The following NPAS3 variants were observed in gnomAD, a reference collection of about 807,000 sequenced individuals.
The protein encoded by NPAS3 is neuronal PAS domain protein 3, also known as neuronal PAS domain-containing protein 3.
Under a neutral mutation model 73.1 loss-of-function variants are expected in NPAS3, and 14 were observed. The observed-to-expected ratio is 0.19, with a 90% CI of 0.13 to 0.30. The LOEUF is 0.30. Among genes scored for constraint, NPAS3 ranks in the 10% least tolerant of loss-of-function variants. The pLI, the probability that NPAS3 is intolerant of heterozygous loss-of-function variation, is 1.00. For synonymous variants in NPAS3, 620 were observed against 541.5 expected, an observed-to-expected ratio of 1.14 and a Z score of -2.01; for missense variants, 1,096 against 1,250.0, an observed-to-expected ratio of 0.88 and a Z score of 1.86.
chr14:33,249,666 G>A (rs182030265), intron 3 of NPAS3, among the ~76,000 whole-genome samples: 19 of 152,118 alleles, frequency 1.2e-4, no homozygotes, highest in East Asian at 5.8e-4. Context: ...AAGGAGAACC[G>A]CTTACATGTT....
At chr14:33,615,850 A>G (rs867961591) in intron 5 of NPAS3, among the ~76,000 whole-genome samples, 7 of 152,200 alleles carry the variant, frequency 4.6e-5, no homozygotes, top group South Asian at 2.1e-4. Flanking sequence ...TTACTAGATT[A>G]TGGTCTTTAA....
At chr14:33,774,400 A>G in exon 8 of NPAS3, 2 of 1,614,142 alleles carry the variant, frequency 1.2e-6, no homozygotes, top group Non-Finnish European at 1.7e-6. Flanking sequence ...GACCGTCCCC[A>G]GCCAAATCAT....
At chr14:33,726,993 G>A (rs1032977166) in intron 6 of NPAS3, among the ~76,000 whole-genome samples, 10 of 152,204 alleles carry the variant, frequency 6.6e-5, no homozygotes, top group Admixed American at 3.3e-4. Context: ...CTCATCACAC[G>A]GTATTGTAGT....
At chr14:33,215,676 G>A in intron 3 of NPAS3, 1 of 668,080 alleles carries the variant, frequency 1.5e-6, no homozygotes, top group South Asian at 1.7e-5. Flanking sequence ...TCAGAGAAAT[G>A]AAAATGAAAT....
At chr14:32,950,120 T>C (rs2036424058) in intron 1 of NPAS3, among the ~76,000 whole-genome samples, 1 of 152,104 alleles carries the variant, frequency 6.6e-6, no homozygotes. Context: ...TATGTTGAAA[T>C]ATATGCAAAA....
chr14:33,436,014 C>T (rs1020895222), intron 4 of NPAS3, among the ~76,000 whole-genome samples: 10 of 152,214 alleles, frequency 6.6e-5, no homozygotes, highest in Middle Eastern at 3.4e-3. Context: ...ATTCTGCAGC[C>T]GATCCAGCCA....
chr14:33,181,476 T>C (rs1249462303), intron 2 of NPAS3, among the ~76,000 whole-genome samples: 1 of 152,182 alleles, frequency 6.6e-6, no homozygotes, highest in Non-Finnish European at 1.5e-5. Context: ...GTCCCTCCCA[T>C]GTGATAATTT....
intron 3 of NPAS3, among the ~76,000 whole-genome samples, chr14:33,227,106 C>T (rs2047664427): frequency 6.6e-6 from 1 of 152,144 alleles, no homozygotes; most frequent in Non-Finnish European, 1.5e-5. Flanking sequence ...GATGTTGATG[C>T]AGGTAAGCCT....
chr14:33,200,243 C>A (rs2046563449), intron 2 of NPAS3, among the ~76,000 whole-genome samples: 1 of 151,356 alleles, frequency 6.6e-6, no homozygotes, highest in African/African-American at 2.4e-5. Flanking sequence ...TTGCACCAAC[C>A]TAAATATAGA....
rs866200151 is a variant in NPAS3 at position 33,746,282 on chromosome 14, G to A, written c.852+10950G>A. On this transcript the variant is annotated intron_variant, in intron 7 of 11. Transcript: ENST00000356141. ...CAGCTCACTGCAACCTCTGCTTCCC[G>A]GGTTCAAGCGATTCTCCTGCCTCAG... Among the ~76,000 whole-genome samples, 63 of 151,346 alleles carry A rather than the reference G, an allele frequency of 4.2e-4. 1 individual carries two copies. Among genetic ancestry groups the A allele is most frequent in the Middle Eastern group, 6.8e-3 (2 of 292 alleles).
intron 3 of NPAS3, among the ~76,000 whole-genome samples, chr14:33,300,082 T>C (rs2042468084): frequency 6.6e-6 from 1 of 152,228 alleles, no homozygotes; most frequent in Non-Finnish European, 1.5e-5. Flanking sequence ...TTGAGTATCT[T>C]TCTTTGTGAT....
At chr14:33,168,626 T>A (rs2045262972) in intron 2 of NPAS3, among the ~76,000 whole-genome samples, 1 of 152,102 alleles carries the variant, frequency 6.6e-6, no homozygotes, top group Admixed American at 6.6e-5. Flanking sequence ...TGGTGTAGAG[T>A]TCCCTAGTGG....
At chr14:32,998,057 T>C (rs2038655683) in intron 1 of NPAS3, among the ~76,000 whole-genome samples, 1 of 152,214 alleles carries the variant, frequency 6.6e-6, no homozygotes, top group Non-Finnish European at 1.5e-5. Context: ...AAATGGGTAC[T>C]CAAATAAGAA....
intron 2 of NPAS3, among the ~76,000 whole-genome samples, chr14:33,104,818 G>T (rs1395770016): frequency 2.6e-5 from 4 of 152,140 alleles, no homozygotes; most frequent in African/African-American, 9.7e-5. Flanking sequence ...AGACAATTGA[G>T]TATGTTCTGC....
At chr14:33,081,134 G>A (rs989808380) in intron 2 of NPAS3, among the ~76,000 whole-genome samples, 1 of 152,144 alleles carries the variant, frequency 6.6e-6, no homozygotes, top group Admixed American at 6.5e-5. Flanking sequence ...TTTGTCCATA[G>A]AGCTCTATTA....
At chr14:33,311,513 T>A (rs1283328003) in intron 3 of NPAS3, among the ~76,000 whole-genome samples, 1 of 152,160 alleles carries the variant, frequency 6.6e-6, no homozygotes, top group African/African-American at 2.4e-5. Context: ...TTAATACTAC[T>A]GAACTTGTGT....
chr14:33,608,442 G>A (rs1266120296), intron 5 of NPAS3: 1 of 152,176 alleles, frequency 6.6e-6, no homozygotes, highest in Non-Finnish European at 1.5e-5. Context: ...ATGCTCAAAC[G>A]TGGTTATTTA....
intron 6 of NPAS3, among the ~76,000 whole-genome samples, chr14:33,683,170 A>G (rs141298034): frequency 2.0e-5 from 3 of 152,318 alleles, no homozygotes; most frequent in Admixed American, 1.3e-4. Flanking sequence ...TTGTTGAATA[A>G]TAGAAGCACA....
At chr14:33,581,783 A>G (rs901957063) in intron 5 of NPAS3, among the ~76,000 whole-genome samples, 14 of 152,162 alleles carry the variant, frequency 9.2e-5, no homozygotes, top group Admixed American at 6.5e-5. Context: ...CATGTTGCCC[A>G]GGCTGGTCTC....
Sources: allele counts gnomAD v4.1 joint callset (sites outside exome capture counted in the v4.1 genomes callset), GRCh38; gene constraint gnomAD v4.1.1; transcripts MANE v1.5; gene names NCBI Gene and HGNC (gene_info 2026-07-23, HGNC 2026-07-21).